FAM234B: variants seen among roughly 807,000 people sequenced by gnomAD.
FAM234B encodes the protein family with sequence similarity 234 member B, also known as protein FAM234B.
Under a neutral mutation model 69.3 loss-of-function variants are expected in FAM234B, and 33 were observed. The ratio of observed to expected loss-of-function variants is 0.48; its 90% confidence interval spans 0.36 to 0.64. The LOEUF is 0.64. Ranked by LOEUF, FAM234B falls within the 30% of genes least tolerant of loss-of-function variation. FAM234B has a pLI of 0.00. For missense variants in FAM234B, 697 were observed against 769.7 expected (o/e 0.91, Z 1.12); for synonymous variants, 306 against 306.9 (o/e 1.00, Z 0.03).
intron 1 of FAM234B, among the ~76,000 whole-genome samples, chr12:13,049,390 G>A (rs1051038614): frequency 5.9e-5 from 9 of 152,178 alleles, no homozygotes; most frequent in African/African-American, 2.2e-4. Context: ...ACGTTGGCCG[G>A]GCTGGTCTTG....
chr12:13,067,264 C>T lies in FAM234B; in HGVS notation c.1110C>T (p.Ser370=). ...AGCCAGAATGGGAAAAGCGAAGATC[C>T]ATCAACCTGTCTGAGCTCATTGATG... ...IEEPEWEKRR[S]INLSELIDVY... The change falls in exon 7 of 13, where the codon TCC becomes TCT. Residue 370 remains serine (S), a synonymous_variant. Coordinates refer to ENST00000197268, the MANE Select transcript of FAM234B (RefSeq NM_020853.2). The surrounding 1 kb of genome is among the most constrained non-coding windows in gnomAD (Gnocchi z 4.7). 2 of 1,614,030 alleles carry T rather than the reference C, an allele frequency of 1.2e-6. No homozygotes were observed. Among genetic ancestry groups the T allele is most frequent in the South Asian group, 1.1e-5 (1 of 91,068 alleles).
chr12:13,065,221 T>C (rs916911251), intron 5 of FAM234B, among the ~76,000 whole-genome samples: 2 of 152,178 alleles, frequency 1.3e-5, no homozygotes, highest in Admixed American at 1.3e-4. Flanking sequence ...TAATCCCCTT[T>C]CTATAGGAAA....
At chr12:13,072,673 T>G (rs1865118919) in intron 10 of FAM234B, among the ~76,000 whole-genome samples, 1 of 147,844 alleles carries the variant, frequency 6.8e-6, no homozygotes, top group Admixed American at 6.9e-5. Flanking sequence ...GAGGTTGCAG[T>G]GAGCCGAGAT....
At position 13,081,121 on chromosome 12, in the gene FAM234B, C is replaced by G. The variant is rs1011787213; in HGVS notation, c.*491C>G. 3 of 152,842 alleles carry G rather than the reference C, an allele frequency of 2.0e-5. No homozygotes were observed. The Admixed American group carries it at 2.0e-4, about 10-fold the overall frequency. The allele number at this position is 152,842 out of a possible 1,614,324, so 9.5% of individuals were successfully genotyped here. ...GGTCATTTTGAGACTTCCAGATGCC[C>G]TACCTCTGATGTTGAGGGCCACTTA... On this transcript the variant is annotated 3_prime_UTR_variant, in exon 13 of 13. Transcript: ENST00000197268.
chr12:13,062,718 A>G, intron 4 of FAM234B, 127 bp from the exon 5 acceptor site: 1 of 916,276 alleles, frequency 1.1e-6, no homozygotes, highest in African/African-American at 1.7e-5. Flanking sequence ...AAAGGCAATA[A>G]GTAGGTAGGA....
chr12:13,067,347 A>C lies in FAM234B; in HGVS notation c.1142+51A>C, dbSNP rs764768667. On this transcript the variant is annotated intron_variant, in intron 7 of 12. Transcript: ENST00000197268. The surrounding 1 kb of genome is among the most constrained non-coding windows in gnomAD (Gnocchi z 4.7). Reference sequence around the variant, plus strand: ...ACAGTGAGATCTCTTGTGAACTCACATGCCTTTGAGTCTCTAAGTTTGGTT... The same window carrying C: ...ACAGTGAGATCTCTTGTGAACTCACCTGCCTTTGAGTCTCTAAGTTTGGTT... 1.2e-6 allele frequency: 2 copies of C among 1,600,900 alleles called. No homozygotes were observed. The highest frequency in any genetic ancestry group is 1.7e-6 in the Non-Finnish European group (2 of 1,168,922).
chr12:13,058,422 A>T, intron 2 of FAM234B, 29 bp from the exon 3 acceptor site: 1 of 1,589,034 alleles, frequency 6.3e-7, no homozygotes, highest in Non-Finnish European at 8.6e-7. Flanking sequence ...CTTGCTCAGG[A>T]CCTTTTTGGT....
At chr12:13,055,050 G>A (rs990377203) in intron 1 of FAM234B, among the ~76,000 whole-genome samples, 8 of 152,216 alleles carry the variant, frequency 5.3e-5, no homozygotes, top group African/African-American at 1.9e-4. Flanking sequence ...TTTCTAAGTT[G>A]TTTCCATAGA....
chr12:13,065,990 T>C (rs12310767), intron 5 of FAM234B, among the ~76,000 whole-genome samples: 37,139 of 152,180 alleles, frequency 0.24, 5,602 homozygotes, highest in East Asian at 0.53. Flanking sequence ...CTGTGGCTTG[T>C]AGGTTAAATT....
chr12:13,061,805 C>A, intron 4 of FAM234B, 42 bp downstream of exon 4: 1 of 1,570,706 alleles, frequency 6.4e-7, no homozygotes, highest in Non-Finnish European at 8.7e-7. Context: ...TCCTACGAGC[C>A]ATACTTTTGG....
intron 10 of FAM234B, among the ~76,000 whole-genome samples, chr12:13,071,813 G>A (rs1256147525): frequency 2.6e-5 from 4 of 152,178 alleles, no homozygotes; most frequent in South Asian, 4.1e-4. Context: ...CTGAAGGAAC[G>A]GGGATGGGGG....
rs1235079512 is a variant in FAM234B, at chr12:13,067,849, A to G, written c.1143-455A>G. 6.6e-6 allele frequency among the ~76,000 whole-genome samples: 1 copy of G among 152,200 alleles called. No individual in the cohort carries two copies. The highest frequency in any genetic ancestry group is 1.5e-5 in the Non-Finnish European group (1 of 68,034). Reference sequence around the variant, plus strand: ...ATTTTCTAGCATTTTCTTAGGCAGTATCATGGTGTTTTGGTGACTTTGACA... The same window carrying G: ...ATTTTCTAGCATTTTCTTAGGCAGTGTCATGGTGTTTTGGTGACTTTGACA... On this transcript the variant is annotated intron_variant, in intron 7 of 12. Coordinates refer to ENST00000197268, the MANE Select transcript of FAM234B (RefSeq NM_020853.2). The surrounding 1 kb of genome is among the most constrained non-coding windows in gnomAD (Gnocchi z 4.7).
At chr12:13,077,967 G>T (rs555190772) in intron 11 of FAM234B, among the ~76,000 whole-genome samples, 2 of 151,226 alleles carry the variant, frequency 1.3e-5, no homozygotes, top group South Asian at 4.2e-4. Flanking sequence ...CATTCTAACT[G>T]GTGTGAGATG....
At chr12:13,050,205 T>C (rs536787718) in intron 1 of FAM234B, among the ~76,000 whole-genome samples, 1 of 152,328 alleles carries the variant, frequency 6.6e-6, no homozygotes, top group South Asian at 2.1e-4. Context: ...CTTTTAAATA[T>C]CAAGTTTGTC....
At chr12:13,056,227 C>G (rs1005038508) in intron 2 of FAM234B, among the ~76,000 whole-genome samples, 1 of 152,140 alleles carries the variant, frequency 6.6e-6, no homozygotes, top group Non-Finnish European at 1.5e-5. Context: ...GGAGCCAGCA[C>G]TGTATCAGGG....
At chr12:13,075,055 T>G (rs1786772229) in intron 10 of FAM234B, among the ~76,000 whole-genome samples, 1 of 152,148 alleles carries the variant, frequency 6.6e-6, no homozygotes, top group Admixed American at 6.5e-5. Flanking sequence ...TCAAGTCCCA[T>G]CCCCACATAG....
At position 13,058,493 on chromosome 12, in the gene FAM234B, A is replaced by G. The variant is rs138201660; in HGVS notation, c.476A>G (p.Asp159Gly). 1.1e-5 allele frequency: 17 copies of G among 1,613,058 alleles called. No individual in the cohort carries two copies. In the Admixed American group the frequency reaches 1.5e-4, roughly 14 times the overall value. ...SPLELADVNG[D>G]GLRDVLLSFV... ...TTGGAATTGGCTGATGTGAATGGAG[A>G]TGGCCTGCGTGATGTGCTTCTCTCC... Residue 159 changes from aspartate to glycine, a missense_variant, in exon 3 of 13, where the codon GAT becomes GGT. Coordinates refer to ENST00000197268, the MANE Select transcript of FAM234B (RefSeq NM_020853.2).
intron 3 of FAM234B, among the ~76,000 whole-genome samples, chr12:13,059,186 C>A (rs1475957981): frequency 6.6e-6 from 1 of 152,188 alleles, no homozygotes; most frequent in East Asian, 1.9e-4. Flanking sequence ...GCTCCCTCCC[C>A]GCCGGGGTCA....
intron 2 of FAM234B, among the ~76,000 whole-genome samples, chr12:13,057,931 G>T (rs1864947964): frequency 6.6e-6 from 1 of 152,224 alleles, no homozygotes; most frequent in Admixed American, 6.5e-5. Context: ...AGGAGAGGGT[G>T]GGAGCCAGGC....
Sources: gnomAD v4.1 joint callset for allele counts (sites outside exome capture counted in the v4.1 genomes callset) on GRCh38, gnomAD v4.1.1 for gene constraint, Gnocchi (gnomAD v3.1) non-coding constraint, MANE v1.5 for transcripts, NCBI Gene and HGNC (gene_info 2026-07-23, HGNC 2026-07-21) for gene names.